CACNA1I: variants seen among roughly 807,000 people sequenced by gnomAD.
The protein encoded by CACNA1I is voltage-dependent T-type calcium channel subunit alpha-1I.
Under a neutral mutation model 201.6 loss-of-function variants are expected in CACNA1I, and 74 were observed. The ratio of observed to expected loss-of-function variants is 0.37; its 90% CI spans 0.30 to 0.45. The LOEUF (loss-of-function observed/expected upper bound fraction) is 0.45. Ranked by LOEUF, CACNA1I falls within the 20% of genes least tolerant of loss-of-function variation. CACNA1I has a pLI of 1.00. For synonymous variants in CACNA1I, 1,431 were observed against 1,345.2 expected, an observed-to-expected ratio of 1.06 and a Z score of -1.40; for missense variants, 2,346 against 3,138.1, an observed-to-expected ratio of 0.75 and a Z score of 6.03.
At chr22:39,586,521 TA>T (rs953563352) in intron 1 of CACNA1I, among the ~76,000 whole-genome samples, 4 of 151,702 alleles carry the variant, frequency 2.6e-5, no homozygotes, top group Admixed American at 6.6e-5. Flanking sequence ...AATAAATAAA[TA>T]AAAACTTTAT....
chr22:39,671,699 A>G (rs535235625), intron 26 of CACNA1I, among the ~76,000 whole-genome samples: 1 of 152,376 alleles, frequency 6.6e-6, no homozygotes, highest in South Asian at 2.1e-4. Flanking sequence ...GAATGCAGAA[A>G]AAAGAAAGAT....
rs1231609982 is a variant in CACNA1I at position 39,662,406 on chromosome 22, C to G, written c.3343C>G (p.Arg1115Gly). 10 of 1,459,568 alleles carry G rather than the reference C, an allele frequency of 6.9e-6. No homozygotes were observed. The highest frequency in any genetic ancestry group is 8.1e-6 in the Non-Finnish European group (9 of 1,115,494). 90.4% of individuals were successfully genotyped at this position (1,459,568 alleles called of 1,614,324 possible). A position where few individuals can be genotyped will look rare whatever the true frequency, so the allele number is the denominator to read the frequency against. The change falls in exon 17 of 37, where the codon CGC becomes GGC. Residue 1115 changes from arginine (R) to glycine (G), a missense_variant. Physicochemically the swap from Arg to Gly is moderately radical, Grantham distance 125. Around this residue, in one of 13 missense-constraint regions of CACNA1I, gnomAD observed 158 missense variants for 231.6 expected, o/e 0.68. Coordinates refer to ENST00000402142, the MANE Select transcript of CACNA1I (RefSeq NM_021096.4). ...CACCAAGATGGGCGACCGCGGGGATCGCGGGGAGGATGAGGAGGAAATCGA... is the reference window on the plus strand; with the variant it reads ...CACCAAGATGGGCGACCGCGGGGATGGCGGGGAGGATGAGGAGGAAATCGA... ...VFTKMGDRGD[R>G]GEDEEEIDYT...
rs543824546 is a variant in CACNA1I at position 39,600,727 on chromosome 22, T to G, written c.482+74T>G. On this transcript the variant is annotated intron_variant, in intron 3 of 36. Transcript: ENST00000402142. ...ATAATTGAGAGAATCCAGGGCTTCT[T>G]GCTGATGGCGATGAAGGGGAATCAC... 5.3e-5 allele frequency: 78 copies of G among 1,473,314 alleles called. No homozygotes were observed. In the South Asian group the frequency reaches 1.1e-3, roughly 21 times the overall value. 91.3% of individuals were successfully genotyped at this position (1,473,314 alleles called of 1,614,324 possible). A position where few individuals can be genotyped will look rare whatever the true frequency, so the allele number is the denominator to read the frequency against.
In CACNA1I at chr22:39,686,312, G is replaced by A. The variant is rs1935876120; in HGVS notation, c.6579G>A (p.Pro2193=). 6.8e-6 allele frequency: 9 copies of A among 1,329,252 alleles called. No homozygotes were observed. Among genetic ancestry groups the A allele is most frequent in the African/African-American group, 1.5e-5 (1 of 64,596 alleles). The allele number at this position is 1,329,252 out of a possible 1,614,324, so 82.3% of individuals were successfully genotyped here. The change falls in exon 37 of 37, where the codon CCG becomes CCA. Residue 2193 remains proline, a synonymous_variant. Transcript: ENST00000402142. The part of the protein sequence containing the change: ...DRSKDPPGRA[P]LPMGLGPLAP... Reference sequence around the variant, plus strand: ...GCAAGGACCCCCCCGGCCGGGCACCGCTGCCCATGGGCCTGGGCCCCTTGG... The same window carrying A: ...GCAAGGACCCCCCCGGCCGGGCACCACTGCCCATGGGCCTGGGCCCCTTGG...
rs985005115 is a variant in CACNA1I, at chr22:39,659,994, G to A, written c.2604+142G>A. 13 of 881,808 alleles carry A rather than the reference G, an allele frequency of 1.5e-5. No homozygotes were observed. The East Asian group carries it at 3.1e-4, about 21-fold the overall frequency. The allele number at this position is 881,808 out of a possible 1,614,324, so 54.6% of individuals were successfully genotyped here. A position where few individuals can be genotyped will look rare whatever the true frequency, so the allele number is the denominator to read the frequency against. On this transcript the variant is annotated intron_variant, in intron 14 of 36. Transcript: ENST00000402142. This position sits in a 1 kb window ranked among gnomAD's most constrained non-coding sequence, Gnocchi z 4.3. ...CCTAAAGGAGGGGGTTGCTGATGAGGTGGTGAGCTCTTCATCATAGGAAGC... is the reference window on the plus strand; with the variant it reads ...CCTAAAGGAGGGGGTTGCTGATGAGATGGTGAGCTCTTCATCATAGGAAGC...
chr22:39,657,385 T>C (rs1339420179), intron 10 of CACNA1I, among the ~76,000 whole-genome samples: 1 of 152,100 alleles, frequency 6.6e-6, no homozygotes, highest in Non-Finnish European at 1.5e-5. Flanking sequence ...CTGGGAGTGC[T>C]AAGAGCCACC....
intron 1 of CACNA1I, among the ~76,000 whole-genome samples, chr22:39,571,685 T>C (rs988594350): frequency 6.6e-6 from 1 of 152,246 alleles, no homozygotes; most frequent in Non-Finnish European, 1.5e-5. Context: ...CCCTTCCCCC[T>C]GGACCTGGCC....
intron 29 of CACNA1I, 88 bp downstream of exon 29, chr22:39,674,121 C>T (rs1935451477): frequency 2.4e-6 from 3 of 1,266,978 alleles, no homozygotes; most frequent in Middle Eastern, 1.8e-4. Flanking sequence ...TTCCCTTCTC[C>T]TCACATCTGC....
In CACNA1I at chr22:39,665,794, GTC is replaced by G; in HGVS notation, c.3979-85_3979-84del. ...GGCCCAGATGACTGAGCACAAGACAGTCTGAGTAAACGCGATCGAGAGGCGAG... is the reference window on the plus strand; with the variant it reads ...GGCCCAGATGACTGAGCACAAGACAGTGAGTAAACGCGATCGAGAGGCGAG... On this transcript the variant is annotated intron_variant, in intron 22 of 36. Coordinates refer to ENST00000402142, the MANE Select transcript of CACNA1I (RefSeq NM_021096.4). This position sits in a 1 kb window ranked among gnomAD's most constrained non-coding sequence, Gnocchi z 5.5. 2 of 1,584,242 alleles carry G rather than the reference GTC, an allele frequency of 1.3e-6. No homozygotes were observed. Among genetic ancestry groups the G allele is most frequent in the Non-Finnish European group, 1.7e-6 (2 of 1,156,988 alleles).
intron 1 of CACNA1I, among the ~76,000 whole-genome samples, chr22:39,582,732 CTTCCCCCATACACCCCCCCACCCATCT>C (rs1325037081): frequency 2.7e-5 from 4 of 147,350 alleles, no homozygotes; most frequent in African/African-American, 1.0e-4. Flanking sequence ...ACTCACCCAT[CTTCCCCCATACACCCCCCCACCCATCT>C]TTCCCCCATA....
At chr22:39,627,336 C>T (rs936764262) in intron 4 of CACNA1I, among the ~76,000 whole-genome samples, 5 of 152,228 alleles carry the variant, frequency 3.3e-5, no homozygotes, top group South Asian at 2.1e-4. Flanking sequence ...GCTGAAGCCA[C>T]GAGGCAGGCG....
At position 39,665,159 on chromosome 22, in the gene CACNA1I, T is replaced by A. The variant is rs1049963633; in HGVS notation, c.3851+236T>A. ...TATTGCTGCCCACTCTGCGTGTCCC[T>A]GAGTGGCTCGTTGCCATCTCTGGGT... is the stretch of plus-strand genomic sequence containing the variant. On this transcript the variant is annotated intron_variant, in intron 21 of 36. Coordinates refer to ENST00000402142, the MANE Select transcript of CACNA1I (RefSeq NM_021096.4). The surrounding 1 kb of genome is among the most constrained non-coding windows in gnomAD (Gnocchi z 5.5). Among the ~76,000 whole-genome samples, 1 of 152,170 alleles carries A rather than the reference T, an allele frequency of 6.6e-6. No individual in the cohort carries two copies. The highest frequency in any genetic ancestry group is 2.4e-5 in the African/African-American group (1 of 41,456).
intron 7 of CACNA1I, 40 bp from the exon 8 acceptor site, chr22:39,646,529 C>T: frequency 6.7e-7 from 1 of 1,498,286 alleles, no homozygotes; most frequent in Non-Finnish European, 8.9e-7. Flanking sequence ...TCCCCTCCAT[C>T]CCTGTCCCTG....
chr22:39,673,854 C>G, intron 28 of CACNA1I, 109 bp from the exon 29 acceptor site: 1 of 971,910 alleles, frequency 1.0e-6, no homozygotes, highest in Non-Finnish European at 1.6e-6. Context: ...TCTGCTTGCA[C>G]GTGCCTTCAT....
chr22:39,632,002 G>C (rs1043031930), intron 4 of CACNA1I, among the ~76,000 whole-genome samples: 1 of 152,122 alleles, frequency 6.6e-6, no homozygotes, highest in African/African-American at 2.4e-5. Context: ...GGGCCCAGCT[G>C]GGCAGAGTGA....
At chr22:39,650,619 G>A (rs568865784) in intron 10 of CACNA1I, among the ~76,000 whole-genome samples, 4 of 152,348 alleles carry the variant, frequency 2.6e-5, no homozygotes, top group South Asian at 2.1e-4. Flanking sequence ...CTGTCACAAC[G>A]TCCCTTCACC....
intron 1 of CACNA1I, among the ~76,000 whole-genome samples, chr22:39,583,221 A>ATCC (rs1555901023): frequency 1.6e-4 from 18 of 113,526 alleles, no homozygotes; most frequent in East Asian, 6.8e-4. Flanking sequence ...TCCATCCAAC[A>ATCC]ATCCATCCAT....
At chr22:39,641,319 C>T in intron 6 of CACNA1I, 137 bp downstream of exon 6, 1 of 681,244 alleles carries the variant, frequency 1.5e-6, no homozygotes. Context: ...TAGGCATTAT[C>T]ATGCCCATTT....
At chr22:39,682,777 A>G in intron 35 of CACNA1I, 116 bp downstream of exon 35, 1 of 817,092 alleles carries the variant, frequency 1.2e-6, no homozygotes, top group Non-Finnish European at 1.9e-6. Context: ...TATTTAGTCC[A>G]GAAAGAACCA....
Sources: gnomAD v4.1 joint callset for allele counts (sites outside exome capture counted in the v4.1 genomes callset) on GRCh38, gnomAD v4.1.1 for gene constraint, gnomAD v4.1.1 regional missense constraint, Gnocchi (gnomAD v3.1) non-coding constraint, MANE v1.5 for transcripts, NCBI Gene and HGNC (gene_info 2026-07-23, HGNC 2026-07-21) for gene names.